The following DPP10 variants were observed in gnomAD, a reference collection of about 807,000 sequenced individuals.
DPP10 encodes the protein dipeptidyl peptidase like 10.
A neutral mutation model predicts 120.9 loss-of-function variants in DPP10; 33 were observed. That is an observed-to-expected ratio of 0.27 (90% CI 0.21 to 0.37). The LOEUF (loss-of-function observed/expected upper bound fraction) is 0.37, where lower values mean the gene tolerates loss of function less well. DPP10 is among the 10% of genes least tolerant of loss of function. The pLI is 1.00. For missense variants in DPP10, 816 were observed against 942.8 expected (o/e 0.87, Z 1.76); for synonymous variants, 337 against 326.1 (o/e 1.03, Z -0.36).
intron 1 of DPP10, among the ~76,000 whole-genome samples, chr2:115,252,267 A>G (rs545570343): frequency 9.2e-5 from 14 of 152,326 alleles, no homozygotes; most frequent in African/African-American, 2.9e-4. Context: ...ATTTGGGCAC[A>G]CTGGATAATA....
chr2:114,459,186 C>G (rs887715455), intron 1 of DPP10, among the ~76,000 whole-genome samples: 1 of 152,162 alleles, frequency 6.6e-6, no homozygotes, highest in Non-Finnish European at 1.5e-5. Flanking sequence ...GGTTGCCGTT[C>G]CCTATATCAT....
chr2:115,343,807 T>G lies in DPP10; in HGVS notation c.176-10T>G, dbSNP rs763762020. On this transcript the variant is annotated splice_polypyrimidine_tract_variant and intron_variant, in intron 2 of 25. Coordinates refer to ENST00000410059, the MANE Select transcript of DPP10 (RefSeq NM_020868.6). The stretch of plus-strand genomic sequence containing the variant: ...GATAGGCATCTAACCTAGAATTTCC[T>G]TTATTTTAGATGAACTCACAAATTC... The G allele has an allele frequency of 5.0e-6, 8 of 1,600,746 alleles. No individual in the cohort carries two copies. The highest frequency in any genetic ancestry group is 6.8e-6 in the Non-Finnish European group (8 of 1,174,318).
chr2:115,001,081 C>G (rs907736749), intron 1 of DPP10, among the ~76,000 whole-genome samples: 3 of 152,158 alleles, frequency 2.0e-5, no homozygotes, highest in African/African-American at 7.2e-5. Context: ...TTTTACTCTA[C>G]CTGTAACACT....
chr2:114,730,553 C>G (rs1186448768), intron 1 of DPP10, among the ~76,000 whole-genome samples: 4 of 152,168 alleles, frequency 2.6e-5, no homozygotes, highest in African/African-American at 9.6e-5. Context: ...TCAATATTAT[C>G]TACCATGGGT....
intron 1 of DPP10, among the ~76,000 whole-genome samples, chr2:114,742,102 T>G (rs1678122072): frequency 6.6e-6 from 1 of 152,192 alleles, no homozygotes; most frequent in Admixed American, 6.5e-5. Flanking sequence ...TTTAACATTT[T>G]TACATATGTG....
chr2:114,583,936 A>G (rs552070160), intron 1 of DPP10, among the ~76,000 whole-genome samples: 4 of 152,294 alleles, frequency 2.6e-5, no homozygotes, highest in Non-Finnish European at 4.4e-5. Flanking sequence ...TTATCTCACT[A>G]TAAAATATTT....
rs150509060 is a variant in DPP10, at chr2:115,280,716, G to A, written c.61-28523G>A. Among the ~76,000 whole-genome samples the A allele has an allele frequency of 3.3e-5, 5 of 152,290 alleles. No individual in the cohort carries two copies. The East Asian group carries it at 9.6e-4, about 29-fold the overall frequency. ...AAAAACTCAATTTTTCCCATTCAGT[G>A]TGATCTATTACAAGCTATTCTGCTT... On this transcript the variant is annotated intron_variant, in intron 1 of 25. Coordinates refer to ENST00000410059, the MANE Select transcript of DPP10 (RefSeq NM_020868.6).
At chr2:114,691,069 T>G (rs1433901373) in intron 1 of DPP10, among the ~76,000 whole-genome samples, 3 of 152,124 alleles carry the variant, frequency 2.0e-5, no homozygotes, top group Non-Finnish European at 4.4e-5. Context: ...TCCTTTCTCT[T>G]GCCTAATTGC....
intron 5 of DPP10, among the ~76,000 whole-genome samples, chr2:115,595,882 A>G (rs2149195068): frequency 6.6e-6 from 1 of 152,192 alleles, no homozygotes; most frequent in East Asian, 1.9e-4. Flanking sequence ...GTCCTACTTT[A>G]TTATATGCTT....
At chr2:115,841,137 G>C (rs1185747393) in intron 25 of DPP10, among the ~76,000 whole-genome samples, 1 of 151,380 alleles carries the variant, frequency 6.6e-6, no homozygotes, top group Non-Finnish European at 1.5e-5. Context: ...TCTTCCTTTT[G>C]TTGTTCCTTT....
rs1233211011 is a variant in DPP10, at chr2:115,309,253, C to T, written c.75C>T (p.Asn25=). ...TATCTCGGTAGGAACTGGGAAGTAA[C>T]AGCCCTCCACAGAGAAACTGGAAGG... The part of the protein sequence containing the change: ...PSKTIKELGS[N]SPPQRNWKGI... The change falls in exon 2 of 26, where the codon AAC becomes AAT. Residue 25 remains asparagine (N), a synonymous_variant. Transcript: ENST00000410059. 1 of 1,612,696 alleles carries T rather than the reference C, an allele frequency of 6.2e-7. No homozygotes were observed. Among genetic ancestry groups the T allele is most frequent in the Non-Finnish European group, 8.5e-7 (1 of 1,179,308 alleles).
chr2:114,726,393 A>G (rs1161642630), intron 1 of DPP10, among the ~76,000 whole-genome samples: 1 of 152,148 alleles, frequency 6.6e-6, no homozygotes, highest in African/African-American at 2.4e-5. Flanking sequence ...TGACCTCCTT[A>G]ACTTGTCATA....
At chr2:114,618,545 T>C (rs936097304) in intron 1 of DPP10, among the ~76,000 whole-genome samples, 1 of 152,082 alleles carries the variant, frequency 6.6e-6, no homozygotes, top group Non-Finnish European at 1.5e-5. Context: ...GCATATTTTT[T>C]AACAGGGTTG....
intron 1 of DPP10, among the ~76,000 whole-genome samples, chr2:114,737,803 G>A (rs1677604613): frequency 6.6e-6 from 1 of 152,172 alleles, no homozygotes; most frequent in Non-Finnish European, 1.5e-5. Flanking sequence ...CTCAGCTATA[G>A]GACCCAGATT....
intron 1 of DPP10, among the ~76,000 whole-genome samples, chr2:114,705,245 C>T (rs1040702731): frequency 6.6e-6 from 1 of 152,092 alleles, no homozygotes; most frequent in African/African-American, 2.4e-5. Flanking sequence ...AATTCTTATC[C>T]TAATATGACA....
chr2:115,051,713 CAT>C (rs1705495501), intron 1 of DPP10, among the ~76,000 whole-genome samples: 1 of 152,018 alleles, frequency 6.6e-6, no homozygotes, highest in Non-Finnish European at 1.5e-5. Flanking sequence ...ATGGCAGTAA[CAT>C]AAAGTTTCAG....
intron 1 of DPP10, among the ~76,000 whole-genome samples, chr2:114,557,747 C>T (rs1262821506): frequency 3.9e-5 from 6 of 152,052 alleles, no homozygotes; most frequent in African/African-American, 9.7e-5. Context: ...GCTCGGCTCG[C>T]GACTAGCTGA....
intron 1 of DPP10, among the ~76,000 whole-genome samples, chr2:115,100,568 G>C (rs1376462680): frequency 6.6e-6 from 1 of 152,076 alleles, no homozygotes; most frequent in Non-Finnish European, 1.5e-5. Context: ...ACATGTGTGT[G>C]TGTATGTGTG....
At chr2:115,557,377 A>G (rs1431789093) in intron 5 of DPP10, among the ~76,000 whole-genome samples, 1 of 152,202 alleles carries the variant, frequency 6.6e-6, no homozygotes, top group Non-Finnish European at 1.5e-5. Flanking sequence ...GCCTTTCAAA[A>G]CAGATTACCA....
Sources: gnomAD v4.1 joint callset for allele counts (sites outside exome capture counted in the v4.1 genomes callset) on GRCh38, gnomAD v4.1.1 for gene constraint, MANE v1.5 for transcripts, NCBI Gene and HGNC (gene_info 2026-07-23, HGNC 2026-07-21) for gene names.